OSBP: variants seen among roughly 807,000 people sequenced by gnomAD.
OSBP encodes the protein oxysterol binding protein.
OSBP carries 32 observed loss-of-function variants against 96.6 expected under a neutral mutation model. The ratio of observed to expected loss-of-function variants is 0.33; its 90% CI spans 0.25 to 0.45. The LOEUF (loss-of-function observed/expected upper bound fraction) is 0.45. Among genes scored for constraint, OSBP ranks in the 20% least tolerant of loss-of-function variants. OSBP has a pLI of 1.00. For synonymous variants in OSBP, 369 were observed against 389.6 expected (o/e 0.95, Z 0.62); for missense variants, 653 against 1,029.7 (o/e 0.63, Z 5.01).
chr11:59,580,332 G>T, intron 10 of OSBP, 63 bp from the exon 11 acceptor site: 2 of 999,896 alleles, frequency 2.0e-6, no homozygotes, highest in Non-Finnish European at 3.2e-6. Flanking sequence ...CCAAACCCAT[G>T]GTTCATAATT....
chr11:59,606,451 ATCT>A (rs1860782253), intron 3 of OSBP, among the ~76,000 whole-genome samples: 1 of 151,988 alleles, frequency 6.6e-6, no homozygotes, highest in African/African-American at 2.4e-5. Flanking sequence ...AAAAAAACAC[ATCT>A]TCTCACTTAT....
chr11:59,580,657 ATTCAT>A (rs1860409800), intron 10 of OSBP, among the ~76,000 whole-genome samples: 1 of 151,914 alleles, frequency 6.6e-6, no homozygotes, highest in Non-Finnish European at 1.5e-5. Context: ...TCTATACTTG[ATTCAT>A]TTCATTTTCC....
In OSBP at chr11:59,606,432, A is replaced by AG. The variant is rs554928923; in HGVS notation, c.822+2051dup. Among the ~76,000 whole-genome samples, 225 of 151,952 alleles carry AG rather than the reference A, an allele frequency of 1.5e-3. 1 individual carries two copies. Among genetic ancestry groups the AG allele is most frequent in the Non-Finnish European group, 2.8e-3 (189 of 67,926 alleles). On this transcript the variant is annotated intron_variant, in intron 3 of 13. Coordinates refer to ENST00000263847, the MANE Select transcript of OSBP (RefSeq NM_002556.3). ...ATCCTAACTGAATTAATGCAGACAC[A>AG]GAAAAAAAAAAAAAACACATCTTCT... is the stretch of plus-strand genomic sequence containing the variant.
At position 59,599,639 on chromosome 11, in the gene OSBP, T is replaced by C. The variant is rs150339823; in HGVS notation, c.1311+857A>G. Among the ~76,000 whole-genome samples, 54 of 152,292 alleles carry C rather than the reference T, an allele frequency of 3.5e-4. No homozygotes were observed. In the East Asian group the frequency reaches 9.4e-3, roughly 27 times the overall value. On this transcript the variant is annotated intron_variant, in intron 7 of 13. Transcript: ENST00000263847. The stretch of plus-strand genomic sequence containing the variant: ...GGAGAGACATTTCATCCTGACAGGA[T>C]GCACTGGAGGTTTGCTGAAAAAGAC...
Position 59,601,777 on chromosome 11 carries a change from T to C in OSBP, c.884A>G (p.Gln295Arg), listed in dbSNP as rs779020373. ...TCGGATACGCTGGTCTCTTTCATAC[T>C]GTAGTGACTTTTGCCATTTTTTACT... The part of the protein sequence containing the change: ...THSKKWQKSL[Q>R]YERDQRIRLE... Residue 295 changes from glutamine (Q) to arginine (R), a missense_variant, in exon 4 of 14, where the codon CAG (glutamine) becomes CGG (arginine). Gln to Arg is a conservative substitution (Grantham distance 43). This residue lies in a region of OSBP where 308 missense variants were observed against 573.1 expected (regional missense o/e 0.54). Transcript: ENST00000263847. The C allele has an allele frequency of 2.5e-6, 4 of 1,614,204 alleles. No individual in the cohort carries two copies. The highest frequency in any genetic ancestry group is 3.4e-6 in the Non-Finnish European group (4 of 1,180,026).
chr11:59,578,419 G>T, intron 11 of OSBP, 89 bp from the exon 12 acceptor site: 1 of 1,266,534 alleles, frequency 7.9e-7, no homozygotes. Flanking sequence ...GATAAATAAT[G>T]GTTAGGTCCT....
intron 7 of OSBP, among the ~76,000 whole-genome samples, chr11:59,596,284 G>C (rs181085595): frequency 6.6e-6 from 1 of 152,238 alleles, no homozygotes; most frequent in Admixed American, 6.5e-5. Context: ...TCTGTCCGTG[G>C]CAGAATTTAG....
chr11:59,608,044 T>C (rs914080694), intron 3 of OSBP, among the ~76,000 whole-genome samples: 1 of 152,130 alleles, frequency 6.6e-6, no homozygotes, highest in Admixed American at 6.6e-5. Flanking sequence ...TGACTCCAAC[T>C]CAAAGCTCAA....
intron 1 of OSBP, among the ~76,000 whole-genome samples, chr11:59,611,818 A>T (rs1307718875): frequency 6.6e-6 from 1 of 152,214 alleles, no homozygotes; most frequent in Non-Finnish European, 1.5e-5. Flanking sequence ...TGAACTTTAC[A>T]GCATTACTTG....
At chr11:59,612,308 TC>T (rs1565122239) in intron 1 of OSBP, among the ~76,000 whole-genome samples, 1 of 152,094 alleles carries the variant, frequency 6.6e-6, no homozygotes. Context: ...TATTCTTACC[TC>T]CCCACCCCCA....
intron 3 of OSBP, among the ~76,000 whole-genome samples, chr11:59,606,425 C>T (rs574055319): frequency 6.7e-6 from 1 of 148,226 alleles, no homozygotes; most frequent in African/African-American, 2.5e-5. Flanking sequence ...TGAATTAATG[C>T]AGACACAGAA....
chr11:59,578,139 T>C lies in OSBP; in HGVS notation c.2060+10A>G. 6.2e-7 allele frequency: 1 copy of C among 1,613,888 alleles called. No homozygotes were observed. The highest frequency in any genetic ancestry group is 8.5e-7 in the Non-Finnish European group (1 of 1,179,762). On this transcript the variant is annotated intron_variant, in intron 12 of 13. Transcript: ENST00000263847. ...AGTGGTATCTGGGCAGCATGCATGC[T>C]GATACTCACGGTAAAGGATTCCTTT...
rs1032971651 is a variant in OSBP, at chr11:59,615,640, C to G, written c.25G>C (p.Val9Leu). 1.5e-6 allele frequency: 2 copies of G among 1,364,484 alleles called. No homozygotes were observed. Among genetic ancestry groups the G allele is most frequent in the African/African-American group, 3.0e-5 (2 of 65,836 alleles). The allele number at this position is 1,364,484 out of a possible 1,614,324, so 84.5% of individuals were successfully genotyped here. A position where few individuals can be genotyped will look rare whatever the true frequency, so the allele number is the denominator to read the frequency against. The stretch of plus-strand genomic sequence containing the variant: ...ATGGCTGCCGGGCCTGGCCCCACCA[C>G]TCCTCTCAGCTCCGTCGCCGCCATG... MAATELRG[V>L]VGPGPAAIAA... The change falls in exon 1 of 14, where the codon GTG becomes CTG. Residue 9 changes from valine (V) to leucine (L), a missense_variant. Coordinates refer to ENST00000263847, the MANE Select transcript of OSBP (RefSeq NM_002556.3).
chr11:59,606,240 A>G (rs1019709131), intron 3 of OSBP, among the ~76,000 whole-genome samples: 2 of 152,194 alleles, frequency 1.3e-5, no homozygotes, highest in Non-Finnish European at 2.9e-5. Flanking sequence ...GCTCATGCTC[A>G]ATAGATGGCA....
intron 9 of OSBP, among the ~76,000 whole-genome samples, chr11:59,585,443 G>A (rs112402351): frequency 4.1e-5 from 6 of 144,646 alleles, no homozygotes; most frequent in East Asian, 2.1e-4. Flanking sequence ...CCCGGCAGCC[G>A]CCCCGTCTGA....
intron 7 of OSBP, among the ~76,000 whole-genome samples, chr11:59,600,275 G>A (rs1860706002): frequency 6.6e-6 from 1 of 152,184 alleles, no homozygotes; most frequent in South Asian, 2.1e-4. Context: ...AAAAATAACT[G>A]CTACTGAGCA....
intron 3 of OSBP, among the ~76,000 whole-genome samples, chr11:59,606,676 C>G (rs952978932): frequency 2.6e-5 from 4 of 152,156 alleles, no homozygotes; most frequent in African/African-American, 9.7e-5. Context: ...CCCCTTGAAT[C>G]AAAAATTAAA....
At position 59,615,570 on chromosome 11, in the gene OSBP, C is replaced by G; in HGVS notation, c.95G>C (p.Gly32Ala). 1 of 1,370,224 alleles carries G rather than the reference C, an allele frequency of 7.3e-7. No individual in the cohort carries two copies. Among genetic ancestry groups the G allele is most frequent in the Non-Finnish European group, 9.5e-7 (1 of 1,057,508 alleles). The allele number at this position is 1,370,224 out of a possible 1,614,324, so 84.9% of individuals were successfully genotyped here. A position where few individuals can be genotyped will look rare whatever the true frequency, so the allele number is the denominator to read the frequency against. Reference sequence around the variant, plus strand: ...CCCCGCATCTCCGCGGCCGCCGCCTCCTCCCACCACTGGGGGACCGGCGCC... The same window carrying G: ...CCCCGCATCTCCGCGGCCGCCGCCTGCTCCCACCACTGGGGGACCGGCGCC... ...GGGAGPPVVGGGGGRGDAGPG... is the reference protein window; with the variant it reads ...GGGAGPPVVGAGGGRGDAGPG... Residue 32 changes from glycine (G) to alanine (A), a missense_variant, in exon 1 of 14, where the codon GGA becomes GCA. Gly to Ala is a moderately conservative substitution (Grantham distance 60). Transcript: ENST00000263847.
chr11:59,579,261 A>G (rs1860392753), intron 11 of OSBP, among the ~76,000 whole-genome samples: 1 of 152,028 alleles, frequency 6.6e-6, no homozygotes, highest in East Asian at 1.9e-4. Flanking sequence ...CAAACTTCTC[A>G]GTGATCAAAC....
Sources: allele counts gnomAD v4.1 joint callset (sites outside exome capture counted in the v4.1 genomes callset), GRCh38; gene constraint gnomAD v4.1.1; regional missense constraint gnomAD v4.1.1; transcripts MANE v1.5; gene names NCBI Gene and HGNC (gene_info 2026-07-23, HGNC 2026-07-21).